Variants in DPYS observed in about 807,000 individuals in gnomAD.
The protein encoded by DPYS is dihydropyrimidinase.
A neutral mutation model predicts 50.3 loss-of-function variants in DPYS; 39 were observed. That is an observed-to-expected ratio of 0.78 (90% CI 0.60 to 1.01). DPYS has a LOEUF of 1.01. Ranked by LOEUF, DPYS falls within the 50% of genes least tolerant of loss-of-function variation. The pLI is 0.00. For missense variants in DPYS, 659 were observed against 680.9 expected (o/e 0.97, Z 0.36); for synonymous variants, 245 against 250.7 (o/e 0.98, Z 0.22).
At chr8:104,438,491 C>T (rs756821961) in intron 4 of DPYS, among the ~76,000 whole-genome samples, 37 of 152,160 alleles carry the variant, frequency 2.4e-4, no homozygotes, top group Non-Finnish European at 4.3e-4. Context: ...TTGACCTTGA[C>T]ACTTGGAAAT....
At chr8:104,389,647 T>C (rs779130036) in intron 8 of DPYS, among the ~76,000 whole-genome samples, 33 of 151,962 alleles carry the variant, frequency 2.2e-4, no homozygotes, top group Non-Finnish European at 4.4e-4. Context: ...CTAGGGAAAG[T>C]TACTTAATCC....
At chr8:104,408,108 TA>T (rs1217075541) in intron 7 of DPYS, among the ~76,000 whole-genome samples, 3 of 152,364 alleles carry the variant, frequency 2.0e-5, no homozygotes, top group Admixed American at 2.0e-4. Flanking sequence ...TGAACAAAGA[TA>T]AAAATCTGAG....
intron 4 of DPYS, 66 bp from the exon 5 acceptor site, chr8:104,429,767 CATAAATATT>C: frequency 6.3e-7 from 1 of 1,591,504 alleles, no homozygotes; most frequent in Non-Finnish European, 8.6e-7. Flanking sequence ...ATGACAAACA[CATAAATATT>C]AATCTTTTCT....
At chr8:104,435,128 C>T (rs1813092464) in intron 4 of DPYS, among the ~76,000 whole-genome samples, 1 of 152,074 alleles carries the variant, frequency 6.6e-6, no homozygotes, top group African/African-American at 2.4e-5. Context: ...TCCCATATGC[C>T]AACACTGTGG....
intron 4 of DPYS, among the ~76,000 whole-genome samples, chr8:104,433,723 A>T (rs1813030123): frequency 1.3e-5 from 2 of 152,220 alleles, no homozygotes; most frequent in African/African-American, 4.8e-5. Flanking sequence ...GTGCCTAAGC[A>T]TCAGTTCATT....
At chr8:104,465,662 A>G (rs902350743) in intron 1 of DPYS, among the ~76,000 whole-genome samples, 12 of 152,250 alleles carry the variant, frequency 7.9e-5, no homozygotes, top group Admixed American at 7.8e-4. Context: ...ATATACTAAC[A>G]CTAACGACAG....
At position 104,447,511 on chromosome 8, in the gene DPYS, G is replaced by A; in HGVS notation, c.424-8C>T. 6.2e-7 allele frequency: 1 copy of A among 1,613,906 alleles called. No homozygotes were observed. The highest frequency in any genetic ancestry group is 8.5e-7 in the Non-Finnish European group (1 of 1,179,926). The stretch of plus-strand genomic sequence containing the variant: ...TTTCATTTCTTCTTTAACCTAAAAG[G>A]AAGCAGCAACCATAACAACAATATG... On this transcript the variant is annotated splice_polypyrimidine_tract_variant and splice_region_variant and intron_variant, in intron 2 of 9. Transcript: ENST00000351513.
At chr8:104,466,614 C>A (rs886356255) in intron 1 of DPYS, 43 bp downstream of exon 1, 12 of 1,486,526 alleles carry the variant, frequency 8.1e-6, no homozygotes, top group South Asian at 2.6e-5. Context: ...GCTGCCCGAG[C>A]CTCCGTGGGT....
At chr8:104,404,260 C>T (rs1327133095) in intron 7 of DPYS, among the ~76,000 whole-genome samples, 1 of 152,088 alleles carries the variant, frequency 6.6e-6, no homozygotes, top group East Asian at 1.9e-4. Context: ...AAAGGGTTCC[C>T]AGCTCATTTG....
intron 7 of DPYS, among the ~76,000 whole-genome samples, chr8:104,406,939 G>A (rs1450466133): frequency 6.6e-6 from 1 of 152,104 alleles, no homozygotes; most frequent in Non-Finnish European, 1.5e-5. Flanking sequence ...TGATCGTTTT[G>A]CTTCCAAAAG....
intron 4 of DPYS, among the ~76,000 whole-genome samples, chr8:104,440,695 G>T (rs1813322552): frequency 6.6e-6 from 1 of 151,934 alleles, no homozygotes; most frequent in African/African-American, 2.4e-5. Flanking sequence ...GGAGATGGAG[G>T]TTGCAGTGAG....
chr8:104,391,759 C>A (rs1811395018), intron 8 of DPYS, among the ~76,000 whole-genome samples: 1 of 152,044 alleles, frequency 6.6e-6, no homozygotes, highest in African/African-American at 2.4e-5. Flanking sequence ...ACTGGTATGG[C>A]TGGCTAATTA....
chr8:104,381,867 CACACACACACACACACAT>C (rs1345308904), intron 8 of DPYS, among the ~76,000 whole-genome samples: 8 of 115,898 alleles, frequency 6.9e-5, no homozygotes, highest in South Asian at 2.7e-4. Context: ...CACACACACA[CACACACACACACACACAT>C]ACACACAGAC....
At chr8:104,435,831 T>TG (rs1441162981) in intron 4 of DPYS, among the ~76,000 whole-genome samples, 3 of 152,074 alleles carry the variant, frequency 2.0e-5, no homozygotes, top group African/African-American at 7.2e-5. Flanking sequence ...GTACTGGGGT[T>TG]GAAAGAAGGA....
intron 4 of DPYS, among the ~76,000 whole-genome samples, chr8:104,433,687 G>A (rs149653771): frequency 6.6e-6 from 1 of 152,260 alleles, no homozygotes; most frequent in Non-Finnish European, 1.5e-5. Context: ...TGACTCAGTT[G>A]CACATCGATT....
intron 7 of DPYS, chr8:104,421,361 C>T (rs957813749): frequency 2.0e-5 from 3 of 152,116 alleles, no homozygotes; most frequent in Non-Finnish European, 4.4e-5. Context: ...CAGCTGGGCG[C>T]GGTGGCTCAT....
intron 1 of DPYS, among the ~76,000 whole-genome samples, chr8:104,465,685 G>GA (rs1451858290): frequency 2.0e-5 from 3 of 151,932 alleles, no homozygotes; most frequent in Admixed American, 6.6e-5. Flanking sequence ...AATGAACTAA[G>GA]AAAAAAAATC....
intron 2 of DPYS, among the ~76,000 whole-genome samples, chr8:104,448,963 G>A (rs1055566228): frequency 6.6e-5 from 10 of 152,100 alleles, no homozygotes; most frequent in African/African-American, 2.4e-4. Context: ...TGAGAGAAGG[G>A]GCCTTGTAAG....
rs140644922 is a variant in DPYS at position 104,427,731 on chromosome 8, T to C, written c.1092+249A>G. ...TATGCAATCTTAATTCATCCTCTAA[T>C]GTCTCCGCAAAATAGTGCGATGCAT... On this transcript the variant is annotated intron_variant, in intron 6 of 9. Transcript: ENST00000351513. 5.3e-4 allele frequency among the ~76,000 whole-genome samples: 80 copies of C among 152,316 alleles called. 1 individual carries two copies. The highest frequency in any genetic ancestry group is 4.6e-3 in the East Asian group (24 of 5,182).
Sources: allele counts gnomAD v4.1 joint callset (sites outside exome capture counted in the v4.1 genomes callset), GRCh38; gene constraint gnomAD v4.1.1; transcripts MANE v1.5; gene names NCBI Gene and HGNC (gene_info 2026-07-23, HGNC 2026-07-21).